SBF2: variants seen among roughly 807,000 people sequenced by gnomAD.
SBF2 encodes the protein SET binding factor 2, also known as myotubularin-related protein 13.
Under a neutral mutation model 225.2 loss-of-function variants are expected in SBF2, and 112 were observed. That is an observed-to-expected ratio of 0.50 (90% CI 0.43 to 0.58). The LOEUF (loss-of-function observed/expected upper bound fraction) is 0.58. Among genes scored for constraint, SBF2 ranks in the 20% least tolerant of loss-of-function variants. The pLI is 0.00. For missense variants in SBF2, 1,996 were observed against 2,206.2 expected, an observed-to-expected ratio of 0.90 and a Z score of 1.91; for synonymous variants, 763 against 773.3, an observed-to-expected ratio of 0.99 and a Z score of 0.22.
chr11:10,302,778 G>C (rs1964609740), intron 1 of SBF2: 1 of 152,648 alleles, frequency 6.6e-6, no homozygotes. Context: ...AGGTGGCAGC[G>C]AGGTACAGTC....
At chr11:10,091,441 C>G (rs1324349210) in intron 2 of SBF2, among the ~76,000 whole-genome samples, 1 of 152,114 alleles carries the variant, frequency 6.6e-6, no homozygotes, top group Non-Finnish European at 1.5e-5. Flanking sequence ...TCTTATACAC[C>G]AGCTTGTCAC....
At chr11:9,814,629 C>T (rs1564878015) in intron 29 of SBF2, among the ~76,000 whole-genome samples, 2 of 152,122 alleles carry the variant, frequency 1.3e-5, no homozygotes, top group South Asian at 4.1e-4. Flanking sequence ...GTTATGAAGA[C>T]TATATGACAT....
intron 17 of SBF2, among the ~76,000 whole-genome samples, chr11:9,884,678 T>C (rs1373847067): frequency 6.6e-6 from 1 of 152,194 alleles, no homozygotes; most frequent in African/African-American, 2.4e-5. Flanking sequence ...TCATGCTGAC[T>C]AGAACCTTGG....
chr11:10,032,761 G>A (rs546310140), intron 3 of SBF2, among the ~76,000 whole-genome samples: 27 of 152,308 alleles, frequency 1.8e-4, no homozygotes, highest in African/African-American at 6.0e-4. Flanking sequence ...TTTGTTCAAC[G>A]GTGATTTCCC....
intron 13 of SBF2, among the ~76,000 whole-genome samples, chr11:9,987,262 G>A (rs916516265): frequency 2.0e-5 from 3 of 152,014 alleles, no homozygotes; most frequent in African/African-American, 7.2e-5. Flanking sequence ...ACTGGCATAC[G>A]AGGGACATAC....
intron 2 of SBF2, among the ~76,000 whole-genome samples, chr11:10,108,170 G>C (rs1393592930): frequency 6.6e-6 from 1 of 152,088 alleles, no homozygotes; most frequent in Non-Finnish European, 1.5e-5. Flanking sequence ...AAACACGATA[G>C]AACAAATAGT....
At chr11:10,061,315 C>T (rs911837076) in intron 2 of SBF2, among the ~76,000 whole-genome samples, 12 of 152,102 alleles carry the variant, frequency 7.9e-5, no homozygotes, top group Non-Finnish European at 1.5e-4. Flanking sequence ...CCCTCTCTCA[C>T]CACTTAATAT....
chr11:10,039,754 G>C (rs1949581250), intron 3 of SBF2, among the ~76,000 whole-genome samples: 1 of 151,792 alleles, frequency 6.6e-6, no homozygotes, highest in African/African-American at 2.4e-5. Flanking sequence ...GCAGAGGCAG[G>C]GAAGGAATAA....
chr11:10,137,804 C>T (rs910058864), intron 2 of SBF2, among the ~76,000 whole-genome samples: 11 of 152,014 alleles, frequency 7.2e-5, no homozygotes, highest in African/African-American at 2.7e-4. Context: ...GTCCAGAGTT[C>T]AAGACCAGTC....
At chr11:9,912,343 T>A (rs1182734701) in intron 16 of SBF2, among the ~76,000 whole-genome samples, 2 of 150,164 alleles carry the variant, frequency 1.3e-5, no homozygotes, top group Non-Finnish European at 3.0e-5. Context: ...TTCCAGCACT[T>A]TGGAAGGCTA....
At chr11:9,802,826 AG>A (rs1413452329) in intron 32 of SBF2, among the ~76,000 whole-genome samples, 1 of 152,202 alleles carries the variant, frequency 6.6e-6, no homozygotes, top group African/African-American at 2.4e-5. Context: ...TCTGTTTTTG[AG>A]TGAATAAACA....
rs555239689 is a variant in SBF2, at chr11:9,816,956, C to T, written c.3862G>A (p.Ala1288Thr). 9.3e-6 allele frequency: 15 copies of T among 1,614,118 alleles called. No individual in the cohort carries two copies. Among genetic ancestry groups the T allele is most frequent in the South Asian group, 6.6e-5 (6 of 91,078 alleles). ...SSPTSFIDVGARLAGKDHSAS... is the reference protein window; with the variant it reads ...SSPTSFIDVGTRLAGKDHSAS... The stretch of plus-strand genomic sequence containing the variant: ...GAGTGATCCTTGCCTGCCAGCCGGG[C>T]GCCAACATCAATGAAGGATGTTGGA... The change falls in exon 29 of 40, where the codon GCC (alanine) becomes ACC (threonine). Residue 1288 changes from alanine (A) to threonine (T), a missense_variant. Transcript: ENST00000256190.
intron 2 of SBF2, among the ~76,000 whole-genome samples, chr11:10,162,323 A>G (rs1001181023): frequency 4.6e-5 from 7 of 152,158 alleles, no homozygotes; most frequent in African/African-American, 1.7e-4. Context: ...GAACTAACCG[A>G]AATCTCTATC....
chr11:10,030,974 G>T, intron 4 of SBF2, 74 bp downstream of exon 4: 2 of 1,291,786 alleles, frequency 1.5e-6, no homozygotes, highest in South Asian at 1.3e-5. Flanking sequence ...TCAATCCAAA[G>T]AACTTGTACC....
chr11:10,101,285 GACCA>G (rs1952291203), intron 2 of SBF2, among the ~76,000 whole-genome samples: 1 of 152,150 alleles, frequency 6.6e-6, no homozygotes, highest in Non-Finnish European at 1.5e-5. Flanking sequence ...AGGCAACAGG[GACCA>G]ACAGGAGAAA....
chr11:10,014,505 T>TAAAAAAAAAAAAAA (rs1181315538), intron 6 of SBF2, among the ~76,000 whole-genome samples: 1 of 70,806 alleles, frequency 1.4e-5, no homozygotes, highest in African/African-American at 6.1e-5. Flanking sequence ...CCATTTCAAC[T>TAAAAAAAAAAAAAA]AAAAAAAAAA....
intron 1 of SBF2, among the ~76,000 whole-genome samples, chr11:10,234,963 A>G (rs1405529569): frequency 6.6e-6 from 1 of 152,188 alleles, no homozygotes; most frequent in Non-Finnish European, 1.5e-5. Flanking sequence ...TTCATTGCCT[A>G]AAATTAGTTA....
In SBF2 at chr11:9,797,018, A is replaced by G. The variant is rs565900641; in HGVS notation, c.4444-1061T>C. 3.9e-5 allele frequency among the ~76,000 whole-genome samples: 6 copies of G among 152,342 alleles called. No individual in the cohort carries two copies. The East Asian group carries it at 1.2e-3, about 29-fold the overall frequency. ...CTCTATATTGCTCAAACAATCTCTC[A>G]TGACCAGCTAGAAAATTTTGTTTGG... is the stretch of plus-strand genomic sequence containing the variant. On this transcript the variant is annotated intron_variant, in intron 32 of 39. Transcript: ENST00000256190.
At chr11:9,807,802 TC>T (rs1392560604) in intron 32 of SBF2, 197 bp downstream of exon 32, 14 of 624,674 alleles carry the variant, frequency 2.2e-5, no homozygotes, top group Admixed American at 5.0e-5. Flanking sequence ...AGCTTAGCTG[TC>T]CTAGTTTCAG....
Sources: gnomAD v4.1 joint callset for allele counts (sites outside exome capture counted in the v4.1 genomes callset) on GRCh38, gnomAD v4.1.1 for gene constraint, MANE v1.5 for transcripts, NCBI Gene and HGNC (gene_info 2026-07-23, HGNC 2026-07-21) for gene names.